CTNNA2: variants seen among roughly 807,000 people sequenced by gnomAD.
CTNNA2 encodes the protein catenin alpha 2, also known as catenin alpha-2.
CTNNA2 carries 42 observed loss-of-function variants against 101.0 expected under a neutral mutation model. That is an observed-to-expected ratio of 0.42 (90% confidence interval 0.32 to 0.54). The LOEUF (loss-of-function observed/expected upper bound fraction) is 0.54, where lower values mean the gene tolerates loss of function less well. CTNNA2 is among the 20% of genes least tolerant of loss of function. The pLI is 0.14. For synonymous variants in CTNNA2, 450 were observed against 456.4 expected, an observed-to-expected ratio of 0.99 and a Z score of 0.18; for missense variants, 871 against 1,223.1, an observed-to-expected ratio of 0.71 and a Z score of 4.29.
chr2:79,633,590 A>G (rs565442994), intron 1 of CTNNA2: 3 of 152,392 alleles, frequency 2.0e-5, no homozygotes, highest in African/African-American at 7.2e-5. Context: ...AGGTGAGTGA[A>G]GAAAGATGTC....
intron 7 of CTNNA2, among the ~76,000 whole-genome samples, chr2:80,333,369 G>C (rs1330574222): frequency 6.6e-6 from 1 of 152,194 alleles, no homozygotes; most frequent in Non-Finnish European, 1.5e-5. Context: ...TGATTGAAGA[G>C]ATGAATTCAA....
intron 3 of CTNNA2, among the ~76,000 whole-genome samples, chr2:79,791,325 A>G (rs1456813790): frequency 1.3e-5 from 2 of 152,060 alleles, no homozygotes. Flanking sequence ...TATTTTTCCC[A>G]TTTCTCTCCC....
chr2:80,463,839 G>A (rs2149476212), intron 9 of CTNNA2, among the ~76,000 whole-genome samples: 1 of 152,268 alleles, frequency 6.6e-6, no homozygotes, highest in East Asian at 1.9e-4. Context: ...AAGGCACATT[G>A]CTGTACGCAG....
rs1036539544 is a variant in CTNNA2, at chr2:79,581,495, G to T, written c.-6+68288G>T. On this transcript the variant is annotated intron_variant, in intron 1 of 18. Coordinates refer to ENST00000402739, the MANE Select transcript of CTNNA2 (RefSeq NM_001282597.3). The stretch of plus-strand genomic sequence containing the variant: ...AACCAAGATGGTACCACTGTACTCC[G>T]GCCTGGAGGACAGAGGAAGACTCTA... Among the ~76,000 whole-genome samples, 11 of 152,040 alleles carry T rather than the reference G, an allele frequency of 7.2e-5. 1 individual carries two copies. The highest frequency in any genetic ancestry group is 7.2e-5 in the African/African-American group (3 of 41,484).
At chr2:79,315,695 A>G (rs58206692) in intron 3 of CTNNA2, among the ~76,000 whole-genome samples, 81 of 152,222 alleles carry the variant, frequency 5.3e-4, no homozygotes, top group African/African-American at 1.8e-3. Context: ...TTTTGCTACT[A>G]TGGATAGTGC....
At chr2:80,047,013 C>T (rs1251477434) in intron 7 of CTNNA2, among the ~76,000 whole-genome samples, 1 of 152,088 alleles carries the variant, frequency 6.6e-6, no homozygotes, top group Non-Finnish European at 1.5e-5. Flanking sequence ...ATGCCAGTGG[C>T]ACTGCTACCC....
At chr2:79,770,199 C>G (rs1017323537) in intron 3 of CTNNA2, among the ~76,000 whole-genome samples, 20 of 152,138 alleles carry the variant, frequency 1.3e-4, no homozygotes, top group African/African-American at 4.8e-4. Context: ...AAAGAATTAT[C>G]TAGCCTAAAA....
intron 7 of CTNNA2, among the ~76,000 whole-genome samples, chr2:80,153,652 T>C (rs763550538): frequency 1.3e-5 from 2 of 152,180 alleles, no homozygotes; most frequent in Non-Finnish European, 2.9e-5. Context: ...GATGAGGCTT[T>C]ATAGCAAGGG....
At chr2:79,679,790 T>C (rs968035888) in intron 2 of CTNNA2, among the ~76,000 whole-genome samples, 11 of 152,236 alleles carry the variant, frequency 7.2e-5, no homozygotes, top group Admixed American at 4.6e-4. Context: ...TGTTTAACTC[T>C]CTTCTTATTC....
At chr2:79,826,201 A>C (rs1271877363) in intron 3 of CTNNA2, among the ~76,000 whole-genome samples, 1 of 152,256 alleles carries the variant, frequency 6.6e-6, no homozygotes, top group African/African-American at 2.4e-5. Flanking sequence ...AATTAGTTGA[A>C]TCATTCAGAT....
At chr2:80,076,516 C>T (rs1698763031) in intron 7 of CTNNA2, among the ~76,000 whole-genome samples, 1 of 151,850 alleles carries the variant, frequency 6.6e-6, no homozygotes, top group African/African-American at 2.4e-5. Context: ...TTCCTGGGCT[C>T]AAGCGATCCT....
intron 1 of CTNNA2, among the ~76,000 whole-genome samples, chr2:79,592,012 C>T (rs191104933): frequency 1.3e-5 from 2 of 149,590 alleles, no homozygotes; most frequent in East Asian, 4.0e-4. Context: ...TATTTCTCCT[C>T]TAGATTAAAA....
intron 18 of CTNNA2, among the ~76,000 whole-genome samples, chr2:80,647,351 T>C (rs1258025261): frequency 1.4e-5 from 2 of 141,560 alleles, no homozygotes; most frequent in Non-Finnish European, 3.2e-5. Flanking sequence ...TAATATGAGA[T>C]GTTCTACTTT....
At chr2:80,641,593 T>G (rs1394100892) in intron 18 of CTNNA2, among the ~76,000 whole-genome samples, 3 of 152,146 alleles carry the variant, frequency 2.0e-5, no homozygotes, top group Admixed American at 2.0e-4. Context: ...ATACTATTAT[T>G]TGTTTTTAAA....
chr2:79,613,633 TAACA>T (rs995139771), intron 1 of CTNNA2, among the ~76,000 whole-genome samples: 6 of 152,206 alleles, frequency 3.9e-5, no homozygotes, highest in Admixed American at 2.0e-4. Context: ...ATAACATAAC[TAACA>T]TTTATTAAGG....
chr2:79,413,991 T>C (rs916049337), intron 4 of CTNNA2, among the ~76,000 whole-genome samples: 2 of 150,110 alleles, frequency 1.3e-5, no homozygotes, highest in African/African-American at 4.9e-5. Flanking sequence ...TAGTTTGATA[T>C]AATTCTATTT....
intron 1 of CTNNA2, among the ~76,000 whole-genome samples, chr2:79,596,351 G>A (rs1558759218): frequency 6.6e-6 from 1 of 152,020 alleles, no homozygotes; most frequent in Non-Finnish European, 1.5e-5. Context: ...GGGCATCAAA[G>A]GAAGAAGGAA....
chr2:79,262,340 A>G (rs1303842206), intron 2 of CTNNA2, among the ~76,000 whole-genome samples: 2 of 152,206 alleles, frequency 1.3e-5, no homozygotes, highest in Non-Finnish European at 2.9e-5. Flanking sequence ...TGACTCAAGA[A>G]AAACAAGATC....
intron 7 of CTNNA2, among the ~76,000 whole-genome samples, chr2:79,950,640 C>A (rs1340585798): frequency 6.6e-6 from 1 of 152,154 alleles, no homozygotes; most frequent in Non-Finnish European, 1.5e-5. Context: ...TATAGGCCAG[C>A]AGATTGCCTT....
Sources: gnomAD v4.1 joint callset for allele counts (sites outside exome capture counted in the v4.1 genomes callset) on GRCh38, gnomAD v4.1.1 for gene constraint, MANE v1.5 for transcripts, NCBI Gene and HGNC (gene_info 2026-07-23, HGNC 2026-07-21) for gene names.